The following ZNF560 variants were observed in gnomAD, a reference collection of about 807,000 sequenced individuals.
ZNF560 encodes the protein zinc finger protein 560.
A neutral mutation model predicts 81.8 loss-of-function variants in ZNF560; 54 were observed. The ratio of observed to expected loss-of-function variants is 0.66; its 90% CI spans 0.53 to 0.83. The LOEUF (loss-of-function observed/expected upper bound fraction) is 0.83, where lower values mean the gene tolerates loss of function less well. Among genes scored for constraint, ZNF560 ranks in the 40% least tolerant of loss-of-function variants. The probability of loss-of-function intolerance (pLI) is 0.00; values close to 1 mark genes in which losing one functional copy is unlikely to be tolerated. For missense variants in ZNF560, 940 were observed against 932.4 expected, an observed-to-expected ratio of 1.01 and a Z score of -0.11; for synonymous variants, 321 against 317.9, an observed-to-expected ratio of 1.01 and a Z score of -0.10.
chr19:9,503,335 TTTG>T (rs766859101), upstream of ZNF560, among the ~76,000 whole-genome samples: 1 of 152,166 alleles, frequency 6.6e-6, no homozygotes, highest in African/African-American at 2.4e-5. Flanking sequence ...GTAATTTGTT[TTTG>T]TTGTTGTTGT....
At chr19:9,461,004 T>C in the ZNF560 span, among the ~76,000 whole-genome samples, 1 of 152,180 alleles carries the variant, frequency 6.6e-6, no homozygotes, top group African/African-American at 2.4e-5. Context: ...CAAGAGTTCC[T>C]ATTATCTGGA....
chr19:9,487,072 G>A (rs1044334795), intron 2 of ZNF560, among the ~76,000 whole-genome samples: 1 of 152,280 alleles, frequency 6.6e-6, no homozygotes, highest in East Asian at 1.9e-4. Flanking sequence ...TTATTGGCCA[G>A]TCAGGTTTAG....
intron 2 of ZNF560, among the ~76,000 whole-genome samples, chr19:9,481,597 T>A (rs952331008): frequency 1.3e-5 from 2 of 151,982 alleles, no homozygotes; most frequent in Non-Finnish European, 2.9e-5. Flanking sequence ...AACCACCCCA[T>A]AAAAAAGTGG....
Position 9,467,193 on chromosome 19 carries a change from G to A in ZNF560, c.1754C>T (p.Ser585Leu), listed in dbSNP as rs1228341459. 3.1e-6 allele frequency: 5 copies of A among 1,614,028 alleles called. No homozygotes were observed. Among genetic ancestry groups the A allele is most frequent in the Non-Finnish European group, 3.4e-6 (4 of 1,180,032 alleles). Residue 585 changes from serine (S) to leucine (L), a missense_variant, in exon 10 of 10, where the codon TCA becomes TTA. By Grantham distance (145) the Ser-to-Leu change is moderately radical (BLOSUM62 -2). Coordinates refer to ENST00000301480, the MANE Select transcript of ZNF560 (RefSeq NM_152476.3). ...MKCGKAFTER[S>L]YLTKHLRRHS... ...TCTTCGTAAATGTTTAGTAAGGTAT[G>A]AGCGCTCAGTGAAGGCTTTCCCACA...
chr19:9,457,070 G>A, the ZNF560 span, among the ~76,000 whole-genome samples: 9 of 152,266 alleles, frequency 5.9e-5, no homozygotes, highest in South Asian at 4.1e-4. Flanking sequence ...AACAGTGGCC[G>A]CTGAGTAAAG....
intron 2 of ZNF560, among the ~76,000 whole-genome samples, chr19:9,494,130 CAA>C (rs891546578): frequency 6.8e-4 from 46 of 67,186 alleles, no homozygotes; most frequent in East Asian, 1.7e-3. Flanking sequence ...GACTCCATCT[CAA>C]AAAAAAAAAA....
intron 2 of ZNF560, among the ~76,000 whole-genome samples, chr19:9,477,509 A>G (rs2073221184): frequency 6.6e-6 from 1 of 152,226 alleles, no homozygotes; most frequent in South Asian, 2.1e-4. Context: ...TTTACAAACA[A>G]GTCAGAACTC....
chr19:9,468,993 G>C (rs2073080472), intron 9 of ZNF560, 112 bp downstream of exon 9: 2 of 790,130 alleles, frequency 2.5e-6, no homozygotes, highest in Admixed American at 6.3e-5. Context: ...CTCCCAAAGT[G>C]CTGGGATTAG....
At chr19:9,494,083 G>C (rs549627697) in intron 2 of ZNF560, among the ~76,000 whole-genome samples, 220 of 137,076 alleles carry the variant, frequency 1.6e-3, no homozygotes, top group Admixed American at 4.3e-3. Context: ...AGAGAGCTGA[G>C]ATCACACCAC....
intron 2 of ZNF560, among the ~76,000 whole-genome samples, chr19:9,478,374 A>T (rs1472785788): frequency 6.6e-6 from 1 of 152,256 alleles, no homozygotes; most frequent in East Asian, 1.9e-4. Flanking sequence ...GAGGTAGTTC[A>T]TCGACACCAG....
At chr19:9,469,441 T>C (rs1053353579) in intron 8 of ZNF560, among the ~76,000 whole-genome samples, 189 bp downstream of exon 8, 3 of 152,002 alleles carry the variant, frequency 2.0e-5, no homozygotes, top group African/African-American at 7.2e-5. Context: ...ATAAAGAAGG[T>C]CATTTGTTAG....
At chr19:9,483,210 G>T (rs141870819) in intron 2 of ZNF560, among the ~76,000 whole-genome samples, 15,258 of 151,496 alleles carry the variant, frequency 0.1, 908 homozygotes, top group South Asian at 0.19. Context: ...TCCCGTCTAG[G>T]AAGAGAGGAG....
chr19:9,496,877 A>C (rs761678652), intron 2 of ZNF560, among the ~76,000 whole-genome samples: 2 of 151,960 alleles, frequency 1.3e-5, no homozygotes, highest in Non-Finnish European at 2.9e-5. Context: ...CAGAGGTTGC[A>C]GTAAGTCGAG....
upstream of ZNF560, among the ~76,000 whole-genome samples, chr19:9,503,483 C>T (rs1430112073): frequency 6.6e-6 from 1 of 152,136 alleles, no homozygotes; most frequent in African/African-American, 2.4e-5. Flanking sequence ...TGTGTCTTCA[C>T]ATAGTGCAAA....
At chr19:9,459,441 TCAA>T in the ZNF560 span, among the ~76,000 whole-genome samples, 1 of 152,126 alleles carries the variant, frequency 6.6e-6, no homozygotes, top group Admixed American at 6.5e-5. Context: ...AAGGACTGAA[TCAA>T]CAGCCAATTT....
rs1216085705 is a variant in ZNF560, at chr19:9,467,337, G to A, written c.1610C>T (p.Thr537Ile). The A allele has an allele frequency of 6.2e-7, 1 of 1,614,188 alleles. No individual in the cohort carries two copies. The highest frequency in any genetic ancestry group is 8.5e-7 in the Non-Finnish European group (1 of 1,180,036). Reference protein sequence around the residue: ...SSACLRIHMRTHTEERLYQCK... With the variant: ...SSACLRIHMRIHTEERLYQCK... Reference sequence around the variant, plus strand: ...TTGATAGAGTCTCTCTTCTGTGTGAGTTCGCATGTGAATACGAAGACAGGC... The same window carrying A: ...TTGATAGAGTCTCTCTTCTGTGTGAATTCGCATGTGAATACGAAGACAGGC... The change falls in exon 10 of 10, where the codon ACT becomes ATT. Residue 537 changes from threonine (T) to isoleucine (I), a missense_variant. Physicochemically the swap from Thr to Ile is moderately conservative, Grantham distance 89. Transcript: ENST00000301480.
Position 9,474,338 on chromosome 19 carries a change from A to C in ZNF560, c.31-13T>G. On this transcript the variant is annotated splice_polypyrimidine_tract_variant and intron_variant, in intron 3 of 9. Coordinates refer to ENST00000301480, the MANE Select transcript of ZNF560 (RefSeq NM_152476.3). The stretch of plus-strand genomic sequence containing the variant: ...AGGTCACGGAGTACTAAACCATCAC[A>C]TACATGTTGATTTGAGCCAAGTAAC... 1 of 1,600,614 alleles carries C rather than the reference A, an allele frequency of 6.2e-7. No individual in the cohort carries two copies. The highest frequency in any genetic ancestry group is 8.5e-7 in the Non-Finnish European group (1 of 1,172,600).
At chr19:9,462,431 G>A (rs1256283159), downstream of ZNF560, among the ~76,000 whole-genome samples, 9 of 152,150 alleles carry the variant, frequency 5.9e-5, no homozygotes, top group Non-Finnish European at 1.3e-4. Flanking sequence ...CTACAGAAAC[G>A]ATGTTTATCA....
chr19:9,504,914 A>G, the ZNF560 span, among the ~76,000 whole-genome samples: 10 of 152,120 alleles, frequency 6.6e-5, no homozygotes, highest in Non-Finnish European at 1.3e-4. Flanking sequence ...GTGAAAGCCC[A>G]TCTCTACTAA....
Sources: allele counts gnomAD v4.1 joint callset (sites outside exome capture counted in the v4.1 genomes callset), GRCh38; gene constraint gnomAD v4.1.1; transcripts MANE v1.5; gene names NCBI Gene and HGNC (gene_info 2026-07-23, HGNC 2026-07-21).